The following SLC1A5 variants were observed in gnomAD, a reference collection of about 807,000 sequenced individuals.
SLC1A5 encodes solute carrier family 1 member 5, also known as neutral amino acid transporter B(0).
Under a neutral mutation model 34.9 loss-of-function variants are expected in SLC1A5, and 25 were observed. The observed-to-expected ratio is 0.72, with a 90% CI of 0.52 to 1.00. The LOEUF (loss-of-function observed/expected upper bound fraction) is 1.00, where lower values mean the gene tolerates loss of function less well. Ranked by LOEUF, SLC1A5 falls within the 50% of genes least tolerant of loss-of-function variation. The pLI, the probability that SLC1A5 is intolerant of heterozygous loss-of-function variation, is 0.00. For synonymous variants in SLC1A5, 351 were observed against 341.2 expected, an observed-to-expected ratio of 1.03 and a Z score of -0.32; for missense variants, 637 against 740.0, an observed-to-expected ratio of 0.86 and a Z score of 1.61.
In SLC1A5 at chr19:46,787,881, C is replaced by G. The variant is rs1011498442; in HGVS notation, c.85G>C (p.Glu29Gln). The G allele has an allele frequency of 3.2e-6, 5 of 1,565,892 alleles. No individual in the cohort carries two copies. The highest frequency in any genetic ancestry group is 3.8e-5 in the Admixed American group (2 of 52,784). ...CCGCCTGCTGCCGCGCCTTGGTCCTCGATGGAGGCCAGCGCCAGGCCCCCG... is the reference window on the plus strand; with the variant it reads ...CCGCCTGCTGCCGCGCCTTGGTCCTGGATGGAGGCCAGCGCCAGGCCCCCG... ...ANGGLALASI[E>Q]DQGAAAGGYC... The change falls in exon 1 of 8, where the codon GAG (glutamate) becomes CAG (glutamine). Residue 29 changes from glutamate (E) to glutamine (Q), a missense_variant. Glu to Gln is a conservative substitution (Grantham distance 29, BLOSUM62 2). Coordinates refer to ENST00000542575, the MANE Select transcript of SLC1A5 (RefSeq NM_005628.3). The surrounding 1 kb of genome is among the most constrained non-coding windows in gnomAD (Gnocchi z 5.2).
chr19:46,778,477 G>A (rs1280739108), intron 5 of SLC1A5, among the ~76,000 whole-genome samples, 198 bp downstream of exon 5: 1 of 152,176 alleles, frequency 6.6e-6, no homozygotes, highest in East Asian at 1.9e-4. Flanking sequence ...GGGAGGCAGT[G>A]TAAGAAAGAG....
intron 5 of SLC1A5, 25 bp downstream of exon 5, chr19:46,778,650 A>ACCCAAACCCCCC: frequency 1.6e-6 from 1 of 641,680 alleles, no homozygotes; most frequent in Non-Finnish European, 2.9e-6. Context: ...TAAACATCCC[A>ACCCAAACCCCCC]CCCTAGCCCA....
chr19:46,786,404 T>C (rs1454100465), intron 1 of SLC1A5, among the ~76,000 whole-genome samples: 1 of 152,148 alleles, frequency 6.6e-6, no homozygotes, highest in Non-Finnish European at 1.5e-5. Context: ...TGTGCCTGCC[T>C]GAAGGTCCGC....
In SLC1A5 at chr19:46,788,020, C is replaced by T. The variant is rs1487412225; in HGVS notation, c.-55G>A. 2 of 1,470,380 alleles carry T rather than the reference C, an allele frequency of 1.4e-6. No individual in the cohort carries two copies. Among genetic ancestry groups the T allele is most frequent in the Non-Finnish European group, 1.8e-6 (2 of 1,110,324 alleles). 91.1% of individuals were successfully genotyped at this position (1,470,380 alleles called of 1,614,324 possible). ...TGGAAGCTGGCTGGGAGCGCTTGGGCTCCTTCCCAGGACCCGACGTTCCTA... is the reference window on the plus strand; with the variant it reads ...TGGAAGCTGGCTGGGAGCGCTTGGGTTCCTTCCCAGGACCCGACGTTCCTA... On this transcript the variant is annotated 5_prime_UTR_variant, in exon 1 of 8. Transcript: ENST00000542575.
chr19:46,782,346 A>ACCCCCCCCACCCCCCCC, intron 4 of SLC1A5, 37 bp downstream of exon 4: 1 of 567,986 alleles, frequency 1.8e-6, no homozygotes, highest in Non-Finnish European at 3.2e-6. Context: ...CGACCCTCCA[A>ACCCCCCCCACCCCCCCC]CCCCACCCAC....
Position 46,775,746 on chromosome 19 carries a change from C to A in SLC1A5, c.1390G>T (p.Asp464Tyr). ...SLILAVDWLV[D>Y]RSCTVLNVEG... ...ACATTGAGGACGGTACAGGACCGGT[C>A]GCTAAAGGGGTAGAAATGACAGCAA... The change falls in exon 8 of 8, where the codon GAC (aspartate) becomes TAC (tyrosine). Residue 464 changes from aspartate (D) to tyrosine (Y), a missense_variant and splice_region_variant. By Grantham distance (160) the Asp-to-Tyr change is radical. Coordinates refer to ENST00000542575, the MANE Select transcript of SLC1A5 (RefSeq NM_005628.3). The A allele has an allele frequency of 2.5e-6, 4 of 1,611,548 alleles. No homozygotes were observed. The South Asian group carries it at 3.3e-5, about 13-fold the overall frequency.
chr19:46,777,215 T>C lies in SLC1A5; in HGVS notation c.1249A>G (p.Ile417Val). 1.2e-6 allele frequency: 2 copies of C among 1,603,828 alleles called. No individual in the cohort carries two copies. Among genetic ancestry groups the C allele is most frequent in the Non-Finnish European group, 1.7e-6 (2 of 1,173,616 alleles). The change falls in exon 6 of 8, where the codon ATC becomes GTC. Residue 417 changes from isoleucine to valine, a missense_variant. Coordinates refer to ENST00000542575, the MANE Select transcript of SLC1A5 (RefSeq NM_005628.3). ...QSLDFVKIITILVTATASSVG... is the reference protein window; with the variant it reads ...QSLDFVKIITVLVTATASSVG... ...CCGCAGCCCCCTGACACTCACAGGA[T>C]GGTGATGATCTTTACGAAGTCCAAG... is the stretch of plus-strand genomic sequence containing the variant.
chr19:46,786,740 CT>C (rs2055189386), intron 1 of SLC1A5, among the ~76,000 whole-genome samples: 1 of 152,210 alleles, frequency 6.6e-6, no homozygotes, highest in African/African-American at 2.4e-5. Flanking sequence ...ATCTGCTCCC[CT>C]TTCTAACTGG....
rs546602427 is a variant in SLC1A5 at position 46,778,203 on chromosome 19, C to A, written c.1058+472G>T. ...CAGCACTTTTGGAGGCCAAGGTGGGCGGATCACTTGAGGCCAGGAGTTTGA... is the reference window on the plus strand; with the variant it reads ...CAGCACTTTTGGAGGCCAAGGTGGGAGGATCACTTGAGGCCAGGAGTTTGA... On this transcript the variant is annotated intron_variant, in intron 5 of 7. Transcript: ENST00000542575. 2.0e-5 allele frequency among the ~76,000 whole-genome samples: 3 copies of A among 152,180 alleles called. No individual in the cohort carries two copies. The East Asian group carries it at 5.8e-4, about 29-fold the overall frequency.
In SLC1A5 at chr19:46,776,957, C is replaced by T; in HGVS notation, c.1388+18G>A. 6.2e-7 allele frequency: 1 copy of T among 1,611,704 alleles called. No homozygotes were observed. On this transcript the variant is annotated intron_variant, in intron 7 of 7. Transcript: ENST00000542575. ...GGGGTACCCCTGGCCCTGCCCCAGT[C>T]TCCAGACCCACACTCACACTAGCCA...
chr19:46,784,852 C>T lies in SLC1A5; in HGVS notation c.567-293G>A, dbSNP rs149757730. 140 of 1,389,756 alleles carry T rather than the reference C, an allele frequency of 1.0e-4. No homozygotes were observed. The African/African-American group carries it at 1.6e-3, about 16-fold the overall frequency. The allele number at this position is 1,389,756 out of a possible 1,614,324, so 86.1% of individuals were successfully genotyped here. A position where few individuals can be genotyped will look rare whatever the true frequency, so the allele number is the denominator to read the frequency against. ...CCTCCCACGGCAGGCCAGGGCAGGT[C>T]GCCCCGGGCCTCAGCTCCACCCCAT... On this transcript the variant is annotated intron_variant, in intron 1 of 7. Coordinates refer to ENST00000542575, the MANE Select transcript of SLC1A5 (RefSeq NM_005628.3).
intron 3 of SLC1A5, among the ~76,000 whole-genome samples, chr19:46,783,466 C>CAAAAA (rs113636275): frequency 3.0e-5 from 3 of 99,798 alleles, no homozygotes; most frequent in Non-Finnish European, 4.0e-5. Context: ...AATTCTGTCT[C>CAAAAA]AAAAAAAAAA....
Position 46,788,262 on chromosome 19 carries a change from C to A in SLC1A5, c.-297G>T. 2.6e-6 allele frequency: 1 copy of A among 380,154 alleles called. No individual in the cohort carries two copies. Among genetic ancestry groups the A allele is most frequent in the Non-Finnish European group, 4.7e-6 (1 of 212,864 alleles). 23.5% of individuals were successfully genotyped at this position (380,154 alleles called of 1,614,324 possible). ...TCCTTGGCCCTAGGAGCTGGGAATA[C>A]GAGAGTTTCTCTGGGTGGGACGTGG... On this transcript the variant is annotated 5_prime_UTR_variant, in exon 1 of 8. Transcript: ENST00000542575.
chr19:46,779,101 C>T (rs983388605), intron 4 of SLC1A5, among the ~76,000 whole-genome samples, 193 bp from the exon 5 acceptor site: 1 of 152,172 alleles, frequency 6.6e-6, no homozygotes, highest in Non-Finnish European at 1.5e-5. Flanking sequence ...GCTCTCTTTC[C>T]CCTCAAAGGT....
rs2055118596 is a variant in SLC1A5 at position 46,778,670 on chromosome 19, C to A, written c.1058+5G>T. On this transcript the variant is annotated splice_donor_5th_base_variant and intron_variant, in intron 5 of 7. Transcript: ENST00000542575. The stretch of plus-strand genomic sequence containing the variant: ...ATCCCACCCTAGCCCACCCCAAGGC[C>A]GTACCTGGAAGAGGTCCCAAAGGCA... 1 of 1,581,594 alleles carries A rather than the reference C, an allele frequency of 6.3e-7. No homozygotes were observed. The highest frequency in any genetic ancestry group is 8.7e-7 in the Non-Finnish European group (1 of 1,153,296).
At position 46,777,401 on chromosome 19, in the gene SLC1A5, C is replaced by A. The variant is rs762186247; in HGVS notation, c.1063G>T (p.Ala355Ser). The A allele has an allele frequency of 1.1e-5, 18 of 1,605,836 alleles. No individual in the cohort carries two copies. Among genetic ancestry groups the A allele is most frequent in the Non-Finnish European group, 1.5e-5 (18 of 1,175,938 alleles). ...CACTTCATCATCAGCGGCAGCGTGG[C>A]GGAACTGCAAGGGATGGGGGAGCTG... is the stretch of plus-strand genomic sequence containing the variant. ...ATAFGTSSSS[A>S]TLPLMMKCVE... The change falls in exon 6 of 8, where the codon GCC (alanine) becomes TCC (serine). Residue 355 changes from alanine to serine, a missense_variant. Transcript: ENST00000542575.
At chr19:46,782,341 C>CAA in intron 4 of SLC1A5, 42 bp downstream of exon 4, 1 of 810,800 alleles carries the variant, frequency 1.2e-6, no homozygotes, top group Non-Finnish European at 2.0e-6. Context: ...CAGACCGACC[C>CAA]TCCAACCCCA....
rs745678441 is a variant in SLC1A5, at chr19:46,787,803, C to T, written c.163G>A (p.Val55Met). The change falls in exon 1 of 8, where the codon GTG becomes ATG. Residue 55 changes from valine (V) to methionine (M), a missense_variant. By Grantham distance (21) the Val-to-Met change is conservative (BLOSUM62 1). Coordinates refer to ENST00000542575, the MANE Select transcript of SLC1A5 (RefSeq NM_005628.3). This position sits in a 1 kb window ranked among gnomAD's most constrained non-coding sequence, Gnocchi z 5.2. Reference protein sequence around the residue: ...VRRCLRANLLVLLTVVAVVAG... With the variant: ...VRRCLRANLLMLLTVVAVVAG... ...ACCACGGCCACCACTGTCAGCAGCA[C>T]AAGCAGGTTGGCTCGAAGGCAGCGG... 2 of 1,551,746 alleles carry T rather than the reference C, an allele frequency of 1.3e-6. No individual in the cohort carries two copies. The highest frequency in any genetic ancestry group is 2.4e-5 in the South Asian group (2 of 84,630).
chr19:46,781,073 C>T (rs1350582044), intron 4 of SLC1A5, among the ~76,000 whole-genome samples: 1 of 152,166 alleles, frequency 6.6e-6, no homozygotes, highest in Non-Finnish European at 1.5e-5. Flanking sequence ...GTGCTCTGCC[C>T]TTGAACATGA....
Sources: allele counts gnomAD v4.1 joint callset (sites outside exome capture counted in the v4.1 genomes callset), GRCh38; gene constraint gnomAD v4.1.1; non-coding constraint Gnocchi (gnomAD v3.1); transcripts MANE v1.5; gene names NCBI Gene and HGNC (gene_info 2026-07-23, HGNC 2026-07-21).